The following IQSEC1 variants were observed in gnomAD, a reference collection of about 807,000 sequenced individuals.
IQSEC1 encodes IQ motif and SEC7 domain-containing protein 1.
In IQSEC1, 31 loss-of-function variants were observed where a neutral mutation model predicts 91.0. The ratio of observed to expected loss-of-function variants is 0.34; its 90% CI spans 0.26 to 0.46. The LOEUF (loss-of-function observed/expected upper bound fraction) is 0.46, where lower values mean the gene tolerates loss of function less well. Among genes scored for constraint, IQSEC1 ranks in the 20% least tolerant of loss-of-function variants. The pLI is 1.00. For synonymous variants in IQSEC1, 699 were observed against 662.6 expected (o/e 1.05, Z -0.84); for missense variants, 1,388 against 1,575.6 (o/e 0.88, Z 2.02).
At chr3:12,954,703 T>C (rs762588541) in intron 1 of IQSEC1, among the ~76,000 whole-genome samples, 8 of 152,226 alleles carry the variant, frequency 5.3e-5, no homozygotes, top group Admixed American at 2.6e-4. Context: ...TTTTCCTCAC[T>C]GAAGTTTCCA....
rs1701335836 is a variant in IQSEC1 at position 12,979,132 on chromosome 3, T to C, written c.24-37267A>G. 6.6e-6 allele frequency among the ~76,000 whole-genome samples: 1 copy of C among 152,204 alleles called. No homozygotes were observed. The highest frequency in any genetic ancestry group is 2.4e-5 in the African/African-American group (1 of 41,458). ...TCCCAACAACCACATAGCACCTGTATACATTCCAATTACTTAACGCTCTTC... is the reference window on the plus strand; with the variant it reads ...TCCCAACAACCACATAGCACCTGTACACATTCCAATTACTTAACGCTCTTC... On this transcript the variant is annotated intron_variant, in intron 1 of 13. Transcript: ENST00000613206. The surrounding 1 kb of genome is among the most constrained non-coding windows in gnomAD (Gnocchi z 4.3).
chr3:13,051,731 T>C (rs1179254811), intron 1 of IQSEC1, among the ~76,000 whole-genome samples: 1 of 152,158 alleles, frequency 6.6e-6, no homozygotes. Flanking sequence ...TCCCCTTTCT[T>C]GCACAGCACT....
At chr3:13,179,949 T>C (rs182455253) in intron 1 of IQSEC1, among the ~76,000 whole-genome samples, 5 of 152,290 alleles carry the variant, frequency 3.3e-5, no homozygotes, top group African/African-American at 9.6e-5. Context: ...TGCCTTCCCG[T>C]GGGGCAGGGC....
chr3:13,109,637 A>T (rs898213748), intron 2 of IQSEC1, among the ~76,000 whole-genome samples: 3 of 150,360 alleles, frequency 2.0e-5, no homozygotes, highest in African/African-American at 7.4e-5. Flanking sequence ...GAGGTGTGTG[A>T]CCCTCCTCTC....
intron 1 of IQSEC1, among the ~76,000 whole-genome samples, chr3:12,977,264 G>C (rs532821): frequency 0.8 from 120,983 of 151,614 alleles, 48,384 homozygotes; most frequent in East Asian, 0.96. Flanking sequence ...GGGAGGATCA[G>C]CTGAGCCCAA....
rs979087507 is a variant in IQSEC1 at position 12,967,738 on chromosome 3, G to C, written c.24-25873C>G. 3 of 1,062,932 alleles carry C rather than the reference G, an allele frequency of 2.8e-6. No homozygotes were observed. The highest frequency in any genetic ancestry group is 3.4e-6 in the Non-Finnish European group (3 of 879,626). The allele number at this position is 1,062,932 out of a possible 1,614,324, so 65.8% of individuals were successfully genotyped here. On this transcript the variant is annotated intron_variant, in intron 1 of 13. Transcript: ENST00000613206. The surrounding 1 kb of genome is among the most constrained non-coding windows in gnomAD (Gnocchi z 5.9). ...GGAATGTGGCCCTGAAGTGGGCGGG[G>C]CAGGGCGGGGGCGGGGCCGGAGGGC...
chr3:13,282,565 G>T lies in IQSEC1; in HGVS notation c.272+146C>A. ...GCCAGAGAATCCCAGGGAGCCCCTG[G>T]GGGTCTGGCGGCGGGTGTGGGCGCT... On this transcript the variant is annotated intron_variant, in intron 1 of 15. Transcript: ENST00000648114. This position sits in a 1 kb window ranked among gnomAD's most constrained non-coding sequence, Gnocchi z 6.4. Among the ~76,000 whole-genome samples, 1 of 151,792 alleles carries T rather than the reference G, an allele frequency of 6.6e-6. No homozygotes were observed. The highest frequency in any genetic ancestry group is 2.4e-5 in the African/African-American group (1 of 41,380).
intron 1 of IQSEC1, among the ~76,000 whole-genome samples, chr3:12,965,639 A>G (rs1224131016): frequency 6.6e-6 from 1 of 152,256 alleles, no homozygotes; most frequent in Non-Finnish European, 1.5e-5. Context: ...AGACCACAGA[A>G]GGATCCAAGC....
intron 2 of IQSEC1, among the ~76,000 whole-genome samples, chr3:13,083,057 T>G (rs973579784): frequency 6.6e-6 from 1 of 152,180 alleles, no homozygotes; most frequent in Admixed American, 6.5e-5. Flanking sequence ...CACACTGGTT[T>G]ACTATCATGT....
intron 1 of IQSEC1, among the ~76,000 whole-genome samples, chr3:13,205,543 C>G (rs1218645270): frequency 6.6e-6 from 1 of 151,240 alleles, no homozygotes; most frequent in Non-Finnish European, 1.5e-5. Flanking sequence ...ACCCACCCAT[C>G]CACCCATCCA....
At chr3:13,184,952 G>A (rs954063978) in intron 1 of IQSEC1, among the ~76,000 whole-genome samples, 1 of 152,176 alleles carries the variant, frequency 6.6e-6, no homozygotes, top group Admixed American at 6.5e-5. Flanking sequence ...TCCAGTTCCC[G>A]AGTAGGGCCA....
chr3:13,039,230 C>T (rs150186958), intron 1 of IQSEC1, among the ~76,000 whole-genome samples: 11 of 152,364 alleles, frequency 7.2e-5, no homozygotes, highest in East Asian at 1.9e-4. Flanking sequence ...CAAGGCAGAA[C>T]GCAGAGGCGC....
At chr3:13,177,103 A>C (rs995611696) in intron 1 of IQSEC1, among the ~76,000 whole-genome samples, 23 of 152,294 alleles carry the variant, frequency 1.5e-4, no homozygotes, top group Middle Eastern at 3.4e-3. Flanking sequence ...GGCTGATGCG[A>C]ATGTTCTGGA....
At chr3:12,923,953 T>C (rs543612648) in intron 4 of IQSEC1, among the ~76,000 whole-genome samples, 2 of 152,358 alleles carry the variant, frequency 1.3e-5, no homozygotes, top group South Asian at 4.1e-4. Context: ...GGGAGTGCTA[T>C]GCTCACCAGC....
rs147559884 is a variant in IQSEC1, at chr3:13,276,176, C to T, written c.272+6535G>A. 1.8e-3 allele frequency among the ~76,000 whole-genome samples: 248 copies of T among 141,458 alleles called. 7 individuals are homozygous for T. In the East Asian group the frequency reaches 0.02, roughly 12 times the overall value. The allele number at this position is 141,458 out of a possible 152,430, so 92.8% of individuals were successfully genotyped here. ...TGATCTCGGCTCACTGCAAGCTCTG[C>T]CTCCCAGGTTCACACCATTCTCCTG... On this transcript the variant is annotated intron_variant, in intron 1 of 15. Coordinates refer to the IQSEC1 transcript ENST00000648114.
At position 13,146,682 on chromosome 3, in the gene IQSEC1, A is replaced by C. The variant is rs542855667; in HGVS notation, c.302+17422T>G. 7.8e-4 allele frequency among the ~76,000 whole-genome samples: 119 copies of C among 152,218 alleles called. 1 individual carries two copies. The highest frequency in any genetic ancestry group is 4.6e-4 in the Non-Finnish European group (31 of 68,038). ...TGGCGAAGCTCCGTGTCTACTAAAA[A>C]TACAAAAATTAGCCAGGCGTGATGG... On this transcript the variant is annotated intron_variant, in intron 2 of 15. Coordinates refer to the IQSEC1 transcript ENST00000648114.
intron 1 of IQSEC1, among the ~76,000 whole-genome samples, chr3:13,232,332 G>A (rs1296361864): frequency 6.6e-6 from 1 of 152,226 alleles, no homozygotes; most frequent in Non-Finnish European, 1.5e-5. Context: ...GGCTTCTGCT[G>A]CCCTCTTCTC....
At chr3:12,906,216 A>G (rs1021811653) in intron 12 of IQSEC1, among the ~76,000 whole-genome samples, 4 of 152,186 alleles carry the variant, frequency 2.6e-5, no homozygotes, top group African/African-American at 9.7e-5. Flanking sequence ...TGACGTGTCA[A>G]ACATGGAGGG....
chr3:13,004,401 G>T (rs2124857068), intron 1 of IQSEC1, among the ~76,000 whole-genome samples: 1 of 152,272 alleles, frequency 6.6e-6, no homozygotes, highest in South Asian at 2.1e-4. Flanking sequence ...GGGGCCGGGG[G>T]AGCGCTCTGC....
Sources: gnomAD v4.1 joint callset for allele counts (sites outside exome capture counted in the v4.1 genomes callset) on GRCh38, gnomAD v4.1.1 for gene constraint, Gnocchi (gnomAD v3.1) non-coding constraint, MANE v1.5 for transcripts, NCBI Gene and HGNC (gene_info 2026-07-23, HGNC 2026-07-21) for gene names.